Variants in CDC14A observed in about 807,000 individuals in gnomAD.
The protein encoded by CDC14A is cell division cycle 14A.
CDC14A carries 53 observed loss-of-function variants against 74.4 expected under a neutral mutation model. The observed-to-expected ratio is 0.71, with a 90% CI of 0.57 to 0.89. The LOEUF is 0.89. Among genes scored for constraint, CDC14A ranks in the 40% least tolerant of loss-of-function variants. The probability of loss-of-function intolerance (pLI) is 0.00; values close to 1 mark genes in which losing one functional copy is unlikely to be tolerated. For synonymous variants in CDC14A, 247 were observed against 258.4 expected (o/e 0.96, Z 0.43); for missense variants, 646 against 713.7 (o/e 0.91, Z 1.08).
intron 7 of CDC14A, among the ~76,000 whole-genome samples, chr1:100,449,145 A>G (rs1665862771): frequency 2.0e-5 from 3 of 152,192 alleles, no homozygotes; most frequent in African/African-American, 7.2e-5. Flanking sequence ...GACCATTTCT[A>G]TTCTAGAAAG....
At chr1:100,398,450 A>G (rs367798634) in intron 4 of CDC14A, among the ~76,000 whole-genome samples, 2 of 152,206 alleles carry the variant, frequency 1.3e-5, no homozygotes, top group East Asian at 1.9e-4. Flanking sequence ...ATTGCTTAGT[A>G]TAATTCACTG....
intron 10 of CDC14A, among the ~76,000 whole-genome samples, chr1:100,482,631 G>A (rs2101349722): frequency 6.6e-6 from 1 of 152,174 alleles, no homozygotes; most frequent in Middle Eastern, 3.4e-3. Context: ...ATCCCTTCTT[G>A]AGAGACAGGG....
At chr1:100,424,184 T>A in intron 4 of CDC14A, 38 bp from the exon 5 acceptor site, 4 of 1,469,250 alleles carry the variant, frequency 2.7e-6, no homozygotes, top group Non-Finnish European at 3.8e-6. Context: ...TTTGTGTCAT[T>A]CTTGGGTGTT....
intron 4 of CDC14A, among the ~76,000 whole-genome samples, chr1:100,403,203 T>C (rs1352661118): frequency 2.6e-5 from 4 of 152,254 alleles, no homozygotes; most frequent in African/African-American, 9.6e-5. Context: ...TACACACACA[T>C]ACACACACGC....
At chr1:100,406,658 T>G (rs1053701209) in intron 4 of CDC14A, among the ~76,000 whole-genome samples, 1 of 152,170 alleles carries the variant, frequency 6.6e-6, no homozygotes, top group Non-Finnish European at 1.5e-5. Context: ...GCACGTTTGC[T>G]TATGCCTGTA....
upstream of CDC14A, among the ~76,000 whole-genome samples, chr1:100,349,121 G>A (rs1307496962): frequency 6.6e-6 from 1 of 152,086 alleles, no homozygotes. Flanking sequence ...GCTTGAACCC[G>A]GGAGGTGGAG....
chr1:100,454,711 A>G (rs903083454), intron 7 of CDC14A, among the ~76,000 whole-genome samples: 2 of 152,200 alleles, frequency 1.3e-5, no homozygotes, highest in African/African-American at 4.8e-5. Context: ...CATTTTAAAA[A>G]GAGAGTTTTC....
intron 8 of CDC14A, among the ~76,000 whole-genome samples, chr1:100,457,308 G>A (rs1224374079): frequency 3.3e-5 from 5 of 152,084 alleles, no homozygotes; most frequent in Admixed American, 6.5e-5. Context: ...TCATAACATA[G>A]TTAATATCTT....
intron 13 of CDC14A, among the ~76,000 whole-genome samples, 165 bp downstream of exon 13, chr1:100,496,214 A>G (rs1330571846): frequency 3.0e-5 from 3 of 100,816 alleles, no homozygotes; most frequent in Non-Finnish European, 6.1e-5. Context: ...AATGCTCACC[A>G]TGAAAAGGAT....
At chr1:100,351,056 T>C (rs1266618317), upstream of CDC14A, among the ~76,000 whole-genome samples, 1 of 152,020 alleles carries the variant, frequency 6.6e-6, no homozygotes, top group Admixed American at 6.5e-5. Context: ...TAGCCGGGTG[T>C]GGTGGCGCAC....
chr1:100,402,139 A>G (rs1458855044), intron 4 of CDC14A, among the ~76,000 whole-genome samples: 1 of 132,314 alleles, frequency 7.6e-6, no homozygotes, highest in Non-Finnish European at 1.5e-5. Context: ...ATTCATTATG[A>G]AAAAAAAAAA....
chr1:100,499,404 A>C, intron 15 of CDC14A, 142 bp downstream of exon 15: 1 of 1,585,072 alleles, frequency 6.3e-7, no homozygotes, highest in South Asian at 1.2e-5. Context: ...CTGTGCTGTG[A>C]AACTGTCTAT....
chr1:100,399,372 G>A (rs1457155274), intron 4 of CDC14A, among the ~76,000 whole-genome samples: 2 of 152,006 alleles, frequency 1.3e-5, no homozygotes, highest in Non-Finnish European at 2.9e-5. Context: ...TGTCTTTAGA[G>A]TGCCAGAAAT....
intron 4 of CDC14A, chr1:100,393,968 T>TAC: frequency 3.9e-6 from 1 of 254,366 alleles, no homozygotes; most frequent in Admixed American, 5.1e-5. Flanking sequence ...AAAAAATATA[T>TAC]ATATATATAG....
At chr1:100,494,390 A>G (rs1234980891) in intron 11 of CDC14A, among the ~76,000 whole-genome samples, 3 of 152,144 alleles carry the variant, frequency 2.0e-5, no homozygotes, top group South Asian at 4.1e-4. Flanking sequence ...TAGATATCCT[A>G]AAGTATTTTT....
chr1:100,458,108 CT>C (rs1175623971), intron 8 of CDC14A, among the ~76,000 whole-genome samples: 1 of 152,180 alleles, frequency 6.6e-6, no homozygotes, highest in African/African-American at 2.4e-5. Context: ...TATACATCAT[CT>C]ATTTAATGAT....
chr1:100,487,822 G>T (rs17122657), intron 11 of CDC14A, among the ~76,000 whole-genome samples: 8,218 of 152,142 alleles, frequency 0.054, 745 homozygotes, highest in African/African-American at 0.19. Context: ...TCTAGGTTAG[G>T]CTCCCTGCTC....
chr1:100,434,456 A>G (rs1664082646), intron 5 of CDC14A, among the ~76,000 whole-genome samples: 1 of 152,256 alleles, frequency 6.6e-6, no homozygotes, highest in Admixed American at 6.5e-5. Context: ...GAGGGGTTAT[A>G]GCTGAAGAGT....
At chr1:100,437,058 T>C (rs1664424271) in intron 5 of CDC14A, among the ~76,000 whole-genome samples, 1 of 152,134 alleles carries the variant, frequency 6.6e-6, no homozygotes, top group Non-Finnish European at 1.5e-5. Context: ...TGGTGGCTTG[T>C]GCCTGTAGTC....
Sources: gnomAD v4.1 joint callset for allele counts (sites outside exome capture counted in the v4.1 genomes callset) on GRCh38, gnomAD v4.1.1 for gene constraint, MANE v1.5 for transcripts, NCBI Gene and HGNC (gene_info 2026-07-23, HGNC 2026-07-21) for gene names.